The following TP53BP1 variants were observed in gnomAD, a reference collection of about 807,000 sequenced individuals.
TP53BP1 encodes TP53-binding protein 1.
A neutral mutation model predicts 200.8 loss-of-function variants in TP53BP1; 61 were observed. The observed-to-expected ratio is 0.30, with a 90% CI of 0.25 to 0.38. The LOEUF is 0.38. Among genes scored for constraint, TP53BP1 ranks in the 10% least tolerant of loss-of-function variants. The pLI, the probability that TP53BP1 is intolerant of heterozygous loss-of-function variation, is 1.00. For synonymous variants in TP53BP1, 822 were observed against 844.3 expected (o/e 0.97, Z 0.46); for missense variants, 2,144 against 2,371.9 (o/e 0.90, Z 2.00).
rs1595628737 is a variant in TP53BP1, at chr15:43,491,715, T to C, written c.325A>G (p.Ile109Val). 1 of 1,614,140 alleles carries C rather than the reference T, an allele frequency of 6.2e-7. No individual in the cohort carries two copies. The highest frequency in any genetic ancestry group is 8.5e-7 in the Non-Finnish European group (1 of 1,180,010). The change falls in exon 4 of 28, where the codon ATC becomes GTC. Residue 109 changes from isoleucine to valine, a missense_variant. Ile to Val is a conservative substitution (Grantham distance 29). Transcript: ENST00000382044. ...GGTAACTGCTCAATGACCTGACTGA[T>C]GGAACCACATGTGTCCAAGTTAGAA... is the stretch of plus-strand genomic sequence containing the variant. ...DSSNLDTCGS[I>V]SQVIEQLPQP...
At position 43,406,318 on chromosome 15, in the gene TP53BP1, C is replaced by G. The variant is rs146489780; in HGVS notation, c.*1065G>C. ...TGGCATCAGGTTATAGTCACTGCAT[C>G]TGGTTTTCATCACTACATATTCTAC... On this transcript the variant is annotated 3_prime_UTR_variant, in exon 28 of 28. Transcript: ENST00000382044. 2 of 252,480 alleles carry G rather than the reference C, an allele frequency of 7.9e-6. No individual in the cohort carries two copies. Among genetic ancestry groups the G allele is most frequent in the African/African-American group, 4.5e-5 (2 of 44,328 alleles). 15.6% of individuals were successfully genotyped at this position (252,480 alleles called of 1,614,324 possible). A position where few individuals can be genotyped will look rare whatever the true frequency, so the allele number is the denominator to read the frequency against.
In TP53BP1 at chr15:43,469,898, G is replaced by C; in HGVS notation, c.1349C>G (p.Pro450Arg). The C allele has an allele frequency of 6.2e-7, 1 of 1,614,000 alleles. No homozygotes were observed. Among genetic ancestry groups the C allele is most frequent in the Non-Finnish European group, 8.5e-7 (1 of 1,180,022 alleles). The part of the protein sequence containing the change: ...PISQSTPVFP[P>R]GSLPIPSQPQ... ...CTGGGATGGGATAGGAAGTGACCCA[G>C]GAGGGAAGACTGGTGTGCTCTGAGA... The change falls in exon 11 of 28, where the codon CCT becomes CGT. Residue 450 changes from proline (P) to arginine (R), a missense_variant. Around this residue, in one of 4 missense-constraint regions of TP53BP1, gnomAD observed 1,700 missense variants for 1,710.3 expected, o/e 0.99. Transcript: ENST00000382044.
chr15:43,493,425 C>T (rs2079157382), upstream of TP53BP1, among the ~76,000 whole-genome samples: 1 of 152,188 alleles, frequency 6.6e-6, no homozygotes, highest in Admixed American at 6.5e-5. Flanking sequence ...GCATTTACCA[C>T]TACTCAGACA....
intron 11 of TP53BP1, among the ~76,000 whole-genome samples, chr15:43,459,202 G>A (rs565511147): frequency 4.6e-5 from 7 of 152,190 alleles, no homozygotes; most frequent in South Asian, 2.1e-4. Context: ...GCTGGGCATG[G>A]TGGTGCACAC....
chr15:43,490,210 C>A (rs1217847535), intron 4 of TP53BP1, among the ~76,000 whole-genome samples: 1 of 152,098 alleles, frequency 6.6e-6, no homozygotes, highest in African/African-American at 2.4e-5. Context: ...CTGATGCAGC[C>A]TCCTGAGTGG....
upstream of TP53BP1, among the ~76,000 whole-genome samples, chr15:43,493,415 G>A (rs2079157296): frequency 6.6e-6 from 1 of 152,130 alleles, no homozygotes. Context: ...CAGGACGATT[G>A]CATTTACCAC....
At chr15:43,498,386 G>A (rs2079192256) in intron 1 of TP53BP1, among the ~76,000 whole-genome samples, 1 of 152,164 alleles carries the variant, frequency 6.6e-6, no homozygotes, top group Non-Finnish European at 1.5e-5. Context: ...AGCCATCTGT[G>A]TCACTTGATA....
chr15:43,500,933 C>G (rs2079206385), intron 1 of TP53BP1, among the ~76,000 whole-genome samples: 1 of 152,038 alleles, frequency 6.6e-6, no homozygotes. Context: ...CTTTGGGAGG[C>G]CAATGCAGGA....
intron 18 of TP53BP1, among the ~76,000 whole-genome samples, chr15:43,427,595 T>A (rs1017951975): frequency 2.0e-5 from 3 of 152,032 alleles, no homozygotes; most frequent in African/African-American, 7.2e-5. Context: ...AATAAAAAGA[T>A]GAAGAAAAAC....
At chr15:43,459,079 T>C (rs1437377251) in intron 11 of TP53BP1, among the ~76,000 whole-genome samples, 1 of 152,216 alleles carries the variant, frequency 6.6e-6, no homozygotes, top group Non-Finnish European at 1.5e-5. Flanking sequence ...GGCTCACATT[T>C]GTATTCTCAG....
rs2044944421 is a variant in TP53BP1 at position 43,407,502 on chromosome 15, C to T, written c.5815G>A (p.Ala1939Thr). 1 of 1,614,112 alleles carries T rather than the reference C, an allele frequency of 6.2e-7. No homozygotes were observed. The highest frequency in any genetic ancestry group is 1.3e-5 in the African/African-American group (1 of 74,938). Residue 1939 changes from alanine (A) to threonine (T), a missense_variant, in exon 28 of 28, where the codon GCT (alanine) becomes ACT (threonine). Around this residue, in one of 4 missense-constraint regions of TP53BP1, gnomAD observed 334 missense variants for 453.4 expected, o/e 0.74. Coordinates refer to ENST00000382044, the MANE Select transcript of TP53BP1 (RefSeq NM_001141980.3). ...PSCPASVLKCAEALQLPVVSQ... is the reference protein window; with the variant it reads ...PSCPASVLKCTEALQLPVVSQ... ...ACCACAGGCAGCTGCAATGCTTCAG[C>T]ACACTTCAGCACCGAGGCTGGGCAT...
At chr15:43,464,332 G>A (rs547128303) in intron 11 of TP53BP1, among the ~76,000 whole-genome samples, 7 of 152,110 alleles carry the variant, frequency 4.6e-5, no homozygotes, top group South Asian at 4.2e-4. Flanking sequence ...AAGAGAAATG[G>A]TATTTAAAAA....
At chr15:43,448,502 C>T (rs138902010) in intron 12 of TP53BP1, among the ~76,000 whole-genome samples, 123 of 151,946 alleles carry the variant, frequency 8.1e-4, no homozygotes, top group African/African-American at 2.7e-3. Context: ...TAGCAAGCAC[C>T]GTGATAATTT....
At position 43,432,263 on chromosome 15, in the gene TP53BP1, C is replaced by G; in HGVS notation, c.3606G>C (p.Gln1202His). The G allele has an allele frequency of 6.2e-7, 1 of 1,614,220 alleles. No homozygotes were observed. ...QNFGKQDATV[Q>H]TERGSGEKPV... ...GTTTCTCACCACTCCCCCTCTCAGT[C>G]TGAACTGTGGCATCTTGCTTTCCAA... is the stretch of plus-strand genomic sequence containing the variant. The change falls in exon 17 of 28, where the codon CAG becomes CAC. Residue 1202 changes from glutamine (Q) to histidine (H), a missense_variant. Physicochemically the swap from Gln to His is conservative, Grantham distance 24. This residue lies in a region of TP53BP1 where 1,700 missense variants were observed against 1,710.3 expected (regional missense o/e 0.99). Transcript: ENST00000382044.
At chr15:43,478,994 T>G (rs187574777) in intron 7 of TP53BP1, among the ~76,000 whole-genome samples, 8 of 152,306 alleles carry the variant, frequency 5.3e-5, no homozygotes, top group Admixed American at 2.0e-4. Flanking sequence ...GAGGATTACT[T>G]GAGCCCAGGA....
Position 43,405,350 on chromosome 15 carries a change from C to A in TP53BP1, c.*2033G>T. ...AGGACTCTACCTTTTCTCCTAGAAG[C>A]AGTTACTGAACATCCAGGAGTACAA... is the stretch of plus-strand genomic sequence containing the variant. On this transcript the variant is annotated 3_prime_UTR_variant, in exon 28 of 28. Coordinates refer to ENST00000382044, the MANE Select transcript of TP53BP1 (RefSeq NM_001141980.3). The A allele has an allele frequency of 2.0e-6, 2 of 979,018 alleles. No individual in the cohort carries two copies. Among genetic ancestry groups the A allele is most frequent in the African/African-American group, 1.6e-5 (1 of 61,384 alleles). 60.6% of individuals were successfully genotyped at this position (979,018 alleles called of 1,614,324 possible).
chr15:43,507,222 C>T (rs531623283), intron 1 of TP53BP1, among the ~76,000 whole-genome samples: 2 of 152,258 alleles, frequency 1.3e-5, no homozygotes, highest in East Asian at 3.9e-4. Flanking sequence ...GCAACCTCCA[C>T]TTCCTGGGTT....
chr15:43,505,554 A>G (rs780751686), intron 1 of TP53BP1, among the ~76,000 whole-genome samples: 1 of 152,212 alleles, frequency 6.6e-6, no homozygotes, highest in Non-Finnish European at 1.5e-5. Flanking sequence ...GGGAAGAAAA[A>G]GGGGAAATTT....
chr15:43,449,113 C>T (rs948972192), intron 12 of TP53BP1, among the ~76,000 whole-genome samples: 3 of 151,942 alleles, frequency 2.0e-5, no homozygotes, highest in East Asian at 1.9e-4. Context: ...GATGACAGAG[C>T]GAGACCGTGC....
Sources: allele counts gnomAD v4.1 joint callset (sites outside exome capture counted in the v4.1 genomes callset), GRCh38; gene constraint gnomAD v4.1.1; regional missense constraint gnomAD v4.1.1; transcripts MANE v1.5; gene names NCBI Gene and HGNC (gene_info 2026-07-23, HGNC 2026-07-21).